RIMS2: variants seen among roughly 807,000 people sequenced by gnomAD.
The protein encoded by RIMS2 is regulating synaptic membrane exocytosis protein 2.
Under a neutral mutation model 174.4 loss-of-function variants are expected in RIMS2, and 59 were observed. That is an observed-to-expected ratio of 0.34 (90% CI 0.27 to 0.42). RIMS2 has a LOEUF of 0.42. Ranked by LOEUF, RIMS2 falls within the 10% of genes least tolerant of loss-of-function variation. The pLI is 1.00. For synonymous variants in RIMS2, 606 were observed against 572.5 expected (o/e 1.06, Z -0.84); for missense variants, 1,620 against 1,666.3 (o/e 0.97, Z 0.48).
At chr8:103,861,739 A>G (rs1366241884) in intron 3 of RIMS2, among the ~76,000 whole-genome samples, 1 of 151,984 alleles carries the variant, frequency 6.6e-6, no homozygotes, top group African/African-American at 2.4e-5. Context: ...GGTGGTGTTG[A>G]GTATTTTTCC....
intron 16 of RIMS2, among the ~76,000 whole-genome samples, chr8:103,981,866 A>G (rs1178002764): frequency 6.6e-6 from 1 of 152,162 alleles, no homozygotes; most frequent in Non-Finnish European, 1.5e-5. Flanking sequence ...AAAACAGTGA[A>G]GCACACCTAC....
At chr8:103,500,905 C>T (rs1156420542) in exon 1 of RIMS2, 3 of 1,601,696 alleles carry the variant, frequency 1.9e-6, no homozygotes, top group Admixed American at 1.7e-5. Flanking sequence ...TCCTGTCGGG[C>T]CCCGGGGCCG....
chr8:103,701,267 A>G (rs1217638252), intron 2 of RIMS2, among the ~76,000 whole-genome samples: 1 of 152,104 alleles, frequency 6.6e-6, no homozygotes, highest in Non-Finnish European at 1.5e-5. Context: ...TTTGTATTTC[A>G]GTATTTTTAA....
chr8:104,082,687 A>G (rs191519732), intron 19 of RIMS2, among the ~76,000 whole-genome samples: 21 of 152,002 alleles, frequency 1.4e-4, no homozygotes. Context: ...TTTAAATTTT[A>G]TGTTTATATT....
intron 1 of RIMS2, among the ~76,000 whole-genome samples, chr8:103,600,636 G>T (rs1228863961): frequency 6.6e-6 from 1 of 152,100 alleles, no homozygotes; most frequent in Non-Finnish European, 1.5e-5. Context: ...TGTTTGTTGT[G>T]AACAGTGCTA....
At chr8:103,587,541 G>A (rs1353929281) in intron 1 of RIMS2, among the ~76,000 whole-genome samples, 1 of 151,888 alleles carries the variant, frequency 6.6e-6, no homozygotes, top group African/African-American at 2.4e-5. Flanking sequence ...ACTGAATTCA[G>A]CAATACTTTA....
chr8:103,910,134 G>C (rs748639640), exon 5 of RIMS2: 1 of 1,602,142 alleles, frequency 6.2e-7, no homozygotes, highest in South Asian at 1.1e-5. Flanking sequence ...ACTCTCACAG[G>C]AGACATGGAT....
chr8:104,237,718 A>G (rs76645944), intron 19 of RIMS2, among the ~76,000 whole-genome samples: 1 of 152,174 alleles, frequency 6.6e-6, no homozygotes, highest in Non-Finnish European at 1.5e-5. Flanking sequence ...GTCAATTGTT[A>G]ATTTTTAATC....
At chr8:103,889,191 T>C (rs1238525501) in intron 4 of RIMS2, among the ~76,000 whole-genome samples, 2 of 151,764 alleles carry the variant, frequency 1.3e-5, no homozygotes, top group African/African-American at 4.8e-5. Flanking sequence ...TAACTAATGT[T>C]AGAAAATTCT....
At chr8:104,097,176 C>T (rs10099604) in intron 19 of RIMS2, among the ~76,000 whole-genome samples, 35,766 of 151,802 alleles carry the variant, frequency 0.24, 4,513 homozygotes, top group African/African-American at 0.33. Flanking sequence ...TTTCAGAGTT[C>T]GGATTTTTTT....
chr8:103,711,812 G>A (rs976843118), intron 2 of RIMS2, among the ~76,000 whole-genome samples: 2 of 151,914 alleles, frequency 1.3e-5, no homozygotes, highest in African/African-American at 2.4e-5. Context: ...TGGGAGGATC[G>A]CTTGAGCCTG....
intron 14 of RIMS2, among the ~76,000 whole-genome samples, chr8:103,956,252 T>A (rs2087167549): frequency 6.6e-6 from 1 of 152,116 alleles, no homozygotes; most frequent in Non-Finnish European, 1.5e-5. Context: ...AAAAACTACT[T>A]TAAATTTCAT....
chr8:103,926,747 AT>A (rs2078868146), intron 10 of RIMS2, among the ~76,000 whole-genome samples: 1 of 151,528 alleles, frequency 6.6e-6, no homozygotes, highest in South Asian at 2.1e-4. Context: ...GCAGAATTAA[AT>A]GCCTTGAAAT....
At position 104,057,072 on chromosome 8, in the gene RIMS2, T is replaced by C. The variant is rs535434116; in HGVS notation, c.3334+42457T>C. 7.6e-4 allele frequency among the ~76,000 whole-genome samples: 114 copies of C among 149,644 alleles called. No individual in the cohort carries two copies. The South Asian group carries it at 0.01, about 13-fold the overall frequency. On this transcript the variant is annotated intron_variant, in intron 19 of 23. Transcript: ENST00000504942. ...TTTTCTTTTTCTTTTTCTTTTTTTT[T>C]TTTTTTTCTTTTGAGACAAGGTCTC... is the stretch of plus-strand genomic sequence containing the variant.
chr8:103,812,494 G>A (rs1039214759), intron 3 of RIMS2, among the ~76,000 whole-genome samples: 2 of 152,032 alleles, frequency 1.3e-5, no homozygotes, highest in Admixed American at 6.6e-5. Context: ...CGATTCTCCT[G>A]CCTCAGCTTC....
At chr8:103,766,460 T>G in exon 3 of RIMS2, 2 of 1,613,836 alleles carry the variant, frequency 1.2e-6, no homozygotes, top group Non-Finnish European at 1.7e-6. Context: ...GTCGATCTCA[T>G]GGGCTCACAA....
intron 1 of RIMS2, among the ~76,000 whole-genome samples, chr8:103,584,277 C>T (rs1469506277): frequency 6.6e-6 from 1 of 152,078 alleles, no homozygotes; most frequent in South Asian, 2.1e-4. Flanking sequence ...ATTAAAGACT[C>T]CCAGATGAAC....
In RIMS2 at chr8:103,939,432, TACTTGGTGTC is replaced by T. The variant is rs2082037268; in HGVS notation, c.2547+2713_2547+2722del. On this transcript the variant is annotated intron_variant, in intron 13 of 23. Transcript: ENST00000504942. ...TGGGATGCACATCACCAAGTCCCTA[TACTTGGTGTC>T]ACAGCACAGGGACCGTGGGGCCAGC... Among the ~76,000 whole-genome samples, 4 of 152,200 alleles carry T rather than the reference TACTTGGTGTC, an allele frequency of 2.6e-5. No homozygotes were observed. In the South Asian group the frequency reaches 8.3e-4, roughly 32 times the overall value.
chr8:103,850,049 T>C (rs2098989267), intron 3 of RIMS2, among the ~76,000 whole-genome samples: 1 of 152,026 alleles, frequency 6.6e-6, no homozygotes, highest in Non-Finnish European at 1.5e-5. Flanking sequence ...GATTCCATAC[T>C]AGAAGGAAAA....
Sources: gnomAD v4.1 joint callset for allele counts (sites outside exome capture counted in the v4.1 genomes callset) on GRCh38, gnomAD v4.1.1 for gene constraint, MANE v1.5 for transcripts, NCBI Gene and HGNC (gene_info 2026-07-23, HGNC 2026-07-21) for gene names.